SPON1: variants seen among roughly 807,000 people sequenced by gnomAD.
SPON1 encodes spondin 1.
SPON1 carries 52 observed loss-of-function variants against 111.7 expected under a neutral mutation model. The ratio of observed to expected loss-of-function variants is 0.47; its 90% CI spans 0.37 to 0.59. SPON1 has a LOEUF of 0.59. SPON1 is among the 20% of genes least tolerant of loss of function. The pLI is 0.00. For missense variants in SPON1, 957 were observed against 1,068.5 expected (o/e 0.90, Z 1.46); for synonymous variants, 410 against 395.8 (o/e 1.04, Z -0.43).
intron 6 of SPON1, among the ~76,000 whole-genome samples, chr11:14,173,088 T>C (rs1848127053): frequency 6.6e-6 from 1 of 151,926 alleles, no homozygotes; most frequent in Non-Finnish European, 1.5e-5. Flanking sequence ...TGCAGAGTGT[T>C]TTCCAACTTG....
intron 2 of SPON1, among the ~76,000 whole-genome samples, chr11:14,014,386 GATATGTACATGA>G (rs750078652): frequency 1.3e-5 from 2 of 152,202 alleles, no homozygotes; most frequent in Non-Finnish European, 2.9e-5. Flanking sequence ...TCTTACAATT[GATATGTACATGA>G]AATGTAGGAT....
intron 6 of SPON1, among the ~76,000 whole-genome samples, chr11:14,211,551 C>T (rs1418169380): frequency 6.6e-6 from 1 of 152,198 alleles, no homozygotes; most frequent in Non-Finnish European, 1.5e-5. Context: ...AATGGCCATA[C>T]TGCCCAAAGT....
intron 1 of SPON1, among the ~76,000 whole-genome samples, chr11:13,981,628 G>A (rs1229397472): frequency 6.6e-6 from 1 of 152,178 alleles, no homozygotes; most frequent in Admixed American, 6.5e-5. Context: ...GCCCGGCCGA[G>A]CTAGATTTTA....
At chr11:14,243,087 G>T (rs1848946648) in intron 6 of SPON1, among the ~76,000 whole-genome samples, 1 of 152,210 alleles carries the variant, frequency 6.6e-6, no homozygotes, top group Admixed American at 6.5e-5. Context: ...GGCTGAGCTG[G>T]AAACCAAAGG....
chr11:14,071,247 C>A (rs539212272), intron 3 of SPON1, among the ~76,000 whole-genome samples: 1 of 152,082 alleles, frequency 6.6e-6, no homozygotes, highest in South Asian at 2.1e-4. Flanking sequence ...CAGGAGTTGA[C>A]CAAATGAGGA....
At chr11:13,986,813 GT>G (rs1848189050) in intron 2 of SPON1, among the ~76,000 whole-genome samples, 1 of 152,046 alleles carries the variant, frequency 6.6e-6, no homozygotes, top group Non-Finnish European at 1.5e-5. Context: ...AACATGCGGT[GT>G]TTGGTTTTCT....
chr11:14,175,547 G>A (rs782646476), intron 6 of SPON1, among the ~76,000 whole-genome samples: 22 of 152,092 alleles, frequency 1.4e-4, no homozygotes, highest in Non-Finnish European at 1.6e-4. Flanking sequence ...TTATTACAAA[G>A]TACACCAGAT....
intron 5 of SPON1, among the ~76,000 whole-genome samples, chr11:14,106,228 C>T (rs1378773241): frequency 1.3e-5 from 2 of 152,160 alleles, no homozygotes; most frequent in African/African-American, 4.8e-5. Flanking sequence ...TTGCCAGTTC[C>T]TCTGCTGTGA....
intron 3 of SPON1, among the ~76,000 whole-genome samples, chr11:14,055,310 C>T (rs1272145280): frequency 3.3e-5 from 5 of 152,172 alleles, no homozygotes; most frequent in African/African-American, 7.2e-5. Flanking sequence ...AAAACTTTGG[C>T]AAATGTCCTG....
intron 6 of SPON1, among the ~76,000 whole-genome samples, chr11:14,158,870 C>T (rs1289113012): frequency 6.6e-6 from 1 of 152,096 alleles, no homozygotes; most frequent in African/African-American, 2.4e-5. Context: ...TCTCTTGCAT[C>T]TTTCTGATTT....
At chr11:13,996,272 G>A (rs1157007273) in intron 2 of SPON1, among the ~76,000 whole-genome samples, 1 of 152,050 alleles carries the variant, frequency 6.6e-6, no homozygotes, top group Non-Finnish European at 1.5e-5. Context: ...GAGCTATAAT[G>A]CACAAACAAC....
intron 3 of SPON1, among the ~76,000 whole-genome samples, chr11:14,054,852 G>A (rs1326243000): frequency 6.6e-6 from 1 of 152,108 alleles, no homozygotes; most frequent in Admixed American, 6.5e-5. Flanking sequence ...CTGCGGCCAG[G>A]CAGCTGGCTT....
intron 3 of SPON1, among the ~76,000 whole-genome samples, chr11:14,052,222 T>G (rs1199510768): frequency 6.6e-6 from 1 of 152,232 alleles, no homozygotes; most frequent in East Asian, 1.9e-4. Flanking sequence ...GAGAAAGACT[T>G]GTTAGTGGGA....
At chr11:14,015,376 A>C (rs114716806) in intron 2 of SPON1, among the ~76,000 whole-genome samples, 2,756 of 152,294 alleles carry the variant, frequency 0.018, 83 homozygotes, top group African/African-American at 0.062. Context: ...GGATAATATA[A>C]GCAGTTTCAT....
intron 2 of SPON1, among the ~76,000 whole-genome samples, chr11:14,008,119 A>G (rs782169782): frequency 2.6e-5 from 4 of 152,174 alleles, no homozygotes; most frequent in Non-Finnish European, 5.9e-5. Context: ...AAAATATTGG[A>G]AAAATAAAAA....
chr11:14,108,960 A>T (rs542889577), intron 5 of SPON1, among the ~76,000 whole-genome samples: 1 of 152,222 alleles, frequency 6.6e-6, no homozygotes, highest in South Asian at 2.1e-4. Context: ...TTAGAGAGGA[A>T]TCAAAGCTGG....
Position 14,259,512 on chromosome 11 carries a change from C to A in SPON1, c.1664-22C>A, listed in dbSNP as rs1554941678. On this transcript the variant is annotated intron_variant, in intron 12 of 15. Transcript: ENST00000576479. This position sits in a 1 kb window ranked among gnomAD's most constrained non-coding sequence, Gnocchi z 5.0. ...GGTCGGGGAGGCAGCAGGTGCGACTCCAATGCCGCTGGCCTCCCCAGCTCC... is the reference window on the plus strand; with the variant it reads ...GGTCGGGGAGGCAGCAGGTGCGACTACAATGCCGCTGGCCTCCCCAGCTCC... 6.4e-7 allele frequency: 1 copy of A among 1,562,196 alleles called. No homozygotes were observed. The highest frequency in any genetic ancestry group is 8.7e-7 in the Non-Finnish European group (1 of 1,153,636).
chr11:14,095,343 T>G (rs1184430057), intron 5 of SPON1, among the ~76,000 whole-genome samples: 7 of 151,830 alleles, frequency 4.6e-5, no homozygotes, highest in Non-Finnish European at 1.0e-4. Flanking sequence ...AGAAACAAAA[T>G]TAAACATTAT....
intron 5 of SPON1, among the ~76,000 whole-genome samples, chr11:14,100,817 T>C (rs903356181): frequency 9.2e-5 from 14 of 152,212 alleles, no homozygotes; most frequent in African/African-American, 3.4e-4. Context: ...TAAGGCCTTA[T>C]ATGCCTGAGA....
Sources: gnomAD v4.1 joint callset for allele counts (sites outside exome capture counted in the v4.1 genomes callset) on GRCh38, gnomAD v4.1.1 for gene constraint, Gnocchi (gnomAD v3.1) non-coding constraint, MANE v1.5 for transcripts, NCBI Gene and HGNC (gene_info 2026-07-23, HGNC 2026-07-21) for gene names.